KCNN2: variants seen among roughly 807,000 people sequenced by gnomAD.
The protein encoded by KCNN2 is potassium calcium-activated channel subfamily N member 2, also known as small conductance calcium-activated potassium channel protein 2.
A neutral mutation model predicts 55.5 loss-of-function variants in KCNN2; 24 were observed. The ratio of observed to expected loss-of-function variants is 0.43; its 90% CI spans 0.31 to 0.61. The LOEUF (loss-of-function observed/expected upper bound fraction) is 0.61, where lower values mean the gene tolerates loss of function less well. Among genes scored for constraint, KCNN2 ranks in the 20% least tolerant of loss-of-function variants. KCNN2 has a pLI of 0.08. For synonymous variants in KCNN2, 431 were observed against 336.1 expected (o/e 1.28, Z -3.09); for missense variants, 754 against 853.6 (o/e 0.88, Z 1.45).
chr5:114,115,365 A>G lies in KCNN2; in HGVS notation c.-271+58865A>G, dbSNP rs76871765. On this transcript the variant is annotated intron_variant, in intron 1 of 10. Coordinates refer to the KCNN2 transcript ENST00000512097. ...TACTGCTCCTCAGACCATAGCTAGC[A>G]TTGTGCAAGTTTTAAAGACAACAAA... Among the ~76,000 whole-genome samples, 403 of 152,246 alleles carry G rather than the reference A, an allele frequency of 2.6e-3. 3 individuals carry two copies. The highest frequency in any genetic ancestry group is 9.4e-3 in the African/African-American group (391 of 41,562).
chr5:114,492,177 T>G (rs897360032), intron 6 of KCNN2, among the ~76,000 whole-genome samples: 3 of 152,144 alleles, frequency 2.0e-5, no homozygotes, highest in African/African-American at 7.2e-5. Flanking sequence ...TAGAGCAGAT[T>G]TGGTGACATA....
At chr5:114,361,311 C>G (rs769982432), upstream of KCNN2, among the ~76,000 whole-genome samples, 1 of 152,118 alleles carries the variant, frequency 6.6e-6, no homozygotes, top group African/African-American at 2.4e-5. Flanking sequence ...CGCGCCGCAG[C>G]GCACTTGGGC....
chr5:114,216,263 A>G (rs1180860283), intron 1 of KCNN2, among the ~76,000 whole-genome samples: 2 of 152,134 alleles, frequency 1.3e-5, no homozygotes, highest in South Asian at 2.1e-4. Context: ...TCTGAGAAAC[A>G]TATGTGTGGT....
At chr5:114,323,649 A>ATATTTTTTTTTTTTTTTTTTTT (rs1756655960) in intron 2 of KCNN2, among the ~76,000 whole-genome samples, 3 of 85,318 alleles carry the variant, frequency 3.5e-5, no homozygotes, top group Non-Finnish European at 6.8e-5. Context: ...AAACATATCA[A>ATATTTTTTTTTTTTTTTTTTTT]TTTTTTTTTT....
intron 2 of KCNN2, among the ~76,000 whole-genome samples, chr5:114,371,135 A>G (rs139315325): frequency 6.6e-6 from 1 of 152,206 alleles, no homozygotes; most frequent in African/African-American, 2.4e-5. Flanking sequence ...GGTTGGAGCA[A>G]CTGAGTGTGT....
At chr5:114,431,890 G>A (rs1003443790) in intron 3 of KCNN2, among the ~76,000 whole-genome samples, 11 of 152,074 alleles carry the variant, frequency 7.2e-5, no homozygotes, top group African/African-American at 2.7e-4. Context: ...AGATTTTCCA[G>A]TTATCTTTGT....
intron 2 of KCNN2, among the ~76,000 whole-genome samples, chr5:114,225,895 A>C (rs1449387832): frequency 6.6e-6 from 1 of 152,232 alleles, no homozygotes; most frequent in Admixed American, 6.5e-5. Context: ...TGAATATTTA[A>C]GCTTGTCCTT....
intron 2 of KCNN2, among the ~76,000 whole-genome samples, chr5:114,354,881 TAAAAC>T (rs1351217508): frequency 6.6e-6 from 1 of 152,132 alleles, no homozygotes; most frequent in East Asian, 1.9e-4. Context: ...CATTAATAAT[TAAAAC>T]AGAACAAAAG....
At chr5:114,321,859 G>A (rs6860867) in intron 2 of KCNN2, among the ~76,000 whole-genome samples, 18,279 of 151,954 alleles carry the variant, frequency 0.12, 1,484 homozygotes, top group Non-Finnish European at 0.16. Context: ...TAGTAGAGAC[G>A]GGGTTTCACC....
At chr5:114,413,364 A>G (rs573717975) in intron 3 of KCNN2, among the ~76,000 whole-genome samples, 1 of 152,268 alleles carries the variant, frequency 6.6e-6, no homozygotes, top group Non-Finnish European at 1.5e-5. Context: ...GGCTCACTGC[A>G]ACCTCTGCCT....
chr5:114,161,334 C>G (rs1190307696), intron 1 of KCNN2, among the ~76,000 whole-genome samples: 1 of 146,180 alleles, frequency 6.8e-6, no homozygotes, highest in Non-Finnish European at 1.5e-5. Flanking sequence ...TTGGCCCCCA[C>G]TCTCTCCTGG....
intron 1 of KCNN2, among the ~76,000 whole-genome samples, chr5:114,207,582 A>G (rs1035394756): frequency 1.3e-5 from 2 of 152,076 alleles, no homozygotes; most frequent in Non-Finnish European, 2.9e-5. Flanking sequence ...ATTTGGGCAA[A>G]TTATTGTCTT....
chr5:114,156,335 T>C (rs1273961850), intron 1 of KCNN2, among the ~76,000 whole-genome samples: 3 of 152,188 alleles, frequency 2.0e-5, no homozygotes, highest in African/African-American at 4.8e-5. Context: ...AGCTTTGTTC[T>C]TTTTACTTGG....
intron 1 of KCNN2, among the ~76,000 whole-genome samples, chr5:114,148,567 C>T (rs964881410): frequency 6.6e-5 from 10 of 152,036 alleles, no homozygotes; most frequent in Non-Finnish European, 1.5e-4. Flanking sequence ...GATTCTAAGC[C>T]TCTGAAAGAA....
At chr5:114,391,534 C>T (rs1481869773) in intron 2 of KCNN2, among the ~76,000 whole-genome samples, 1 of 151,946 alleles carries the variant, frequency 6.6e-6, no homozygotes, top group African/African-American at 2.4e-5. Flanking sequence ...GTCACACTAC[C>T]AGATATTCAG....
At chr5:114,305,136 T>C (rs1164824166) in intron 2 of KCNN2, among the ~76,000 whole-genome samples, 4 of 152,122 alleles carry the variant, frequency 2.6e-5, no homozygotes. Context: ...TAGCCTAACG[T>C]TGAAGGAAAA....
At chr5:114,170,060 A>G (rs1056593922) in intron 1 of KCNN2, among the ~76,000 whole-genome samples, 6 of 152,118 alleles carry the variant, frequency 3.9e-5, no homozygotes, top group Admixed American at 3.3e-4. Flanking sequence ...GTCACTAGGA[A>G]TAATCTCAAT....
chr5:114,273,895 T>A (rs918072511), intron 2 of KCNN2, among the ~76,000 whole-genome samples: 2 of 152,226 alleles, frequency 1.3e-5, no homozygotes, highest in African/African-American at 4.8e-5. Flanking sequence ...GCCATTGCTT[T>A]TGGTGTTTTA....
At chr5:114,188,265 T>G (rs887271207) in intron 1 of KCNN2, among the ~76,000 whole-genome samples, 11 of 152,194 alleles carry the variant, frequency 7.2e-5, no homozygotes, top group African/African-American at 2.7e-4. Context: ...TTGGGCCTCT[T>G]GAGGAGGTAA....
Sources: allele counts gnomAD v4.1 joint callset (sites outside exome capture counted in the v4.1 genomes callset), GRCh38; gene constraint gnomAD v4.1.1; transcripts MANE v1.5; gene names NCBI Gene and HGNC (gene_info 2026-07-23, HGNC 2026-07-21).